The following CTNNBIP1 variants were observed in gnomAD, a reference collection of about 807,000 sequenced individuals.
CTNNBIP1 encodes the protein catenin beta interacting protein 1, also known as beta-catenin-interacting protein 1.
CTNNBIP1 carries 7 observed loss-of-function variants against 11.8 expected under a neutral mutation model. That is an observed-to-expected ratio of 0.60 (90% CI 0.34 to 1.12). The LOEUF (loss-of-function observed/expected upper bound fraction) is 1.12, where lower values mean the gene tolerates loss of function less well. Ranked by LOEUF, CTNNBIP1 falls within the 50% of genes most tolerant of loss-of-function variation. The pLI is 0.03. For missense variants in CTNNBIP1, 101 were observed against 113.4 expected, an observed-to-expected ratio of 0.89 and a Z score of 0.50; for synonymous variants, 58 against 43.9, an observed-to-expected ratio of 1.32 and a Z score of -1.26.
intron 1 of CTNNBIP1, among the ~76,000 whole-genome samples, chr1:9,905,795 TAAACTTCATAA>T (rs1180601945): frequency 6.6e-6 from 1 of 152,194 alleles, no homozygotes; most frequent in Non-Finnish European, 1.5e-5. Flanking sequence ...CACTAGAAGA[TAAACTTCATAA>T]GAGCATGCCT....
chr1:9,873,105 T>C (rs1200345387), intron 3 of CTNNBIP1, among the ~76,000 whole-genome samples: 1 of 152,150 alleles, frequency 6.6e-6, no homozygotes, highest in Admixed American at 6.5e-5. Flanking sequence ...GCCTCAGCAA[T>C]GTGCCAGAGC....
chr1:9,903,239 T>G (rs1639556944), intron 1 of CTNNBIP1, among the ~76,000 whole-genome samples: 1 of 152,180 alleles, frequency 6.6e-6, no homozygotes, highest in Non-Finnish European at 1.5e-5. Flanking sequence ...GGTGTCTCTG[T>G]GATCCTGGCT....
intron 1 of CTNNBIP1, among the ~76,000 whole-genome samples, chr1:9,902,249 C>T (rs557634962): frequency 1.3e-5 from 2 of 152,236 alleles, no homozygotes; most frequent in Admixed American, 6.5e-5. Flanking sequence ...AGAGACGTGT[C>T]GGGCAGGAAG....
At chr1:9,874,904 C>G (rs1450307526) in intron 3 of CTNNBIP1, among the ~76,000 whole-genome samples, 1 of 152,226 alleles carries the variant, frequency 6.6e-6, no homozygotes, top group African/African-American at 2.4e-5. Context: ...CAAAGAACAT[C>G]TGAAATGCTC....
At position 9,883,737 on chromosome 1, in the gene CTNNBIP1, C is replaced by T. The variant is rs1410203048; in HGVS notation, c.-142G>A. On this transcript the variant is annotated splice_region_variant and 5_prime_UTR_variant, in exon 2 of 6. Coordinates refer to ENST00000377263, the MANE Select transcript of CTNNBIP1 (RefSeq NM_020248.3). This position sits in a 1 kb window ranked among gnomAD's most constrained non-coding sequence, Gnocchi z 5.6. Reference sequence around the variant, plus strand: ...TGTCACCGTTGTCAAGTCTGTCGGTCCCTGCAAGAGGGAGAAGAGGGGCAG... The same window carrying T: ...TGTCACCGTTGTCAAGTCTGTCGGTTCCTGCAAGAGGGAGAAGAGGGGCAG... 1 of 153,520 alleles carries T rather than the reference C, an allele frequency of 6.5e-6. No homozygotes were observed. Among genetic ancestry groups the T allele is most frequent in the Non-Finnish European group, 1.5e-5 (1 of 68,410 alleles). 9.5% of individuals were successfully genotyped at this position (153,520 alleles called of 1,614,324 possible). A position where few individuals can be genotyped will look rare whatever the true frequency, so the allele number is the denominator to read the frequency against.
intron 3 of CTNNBIP1, among the ~76,000 whole-genome samples, chr1:9,876,232 C>T (rs1384593040): frequency 6.6e-6 from 1 of 152,116 alleles, no homozygotes; most frequent in African/African-American, 2.4e-5. Flanking sequence ...ATAAACATTC[C>T]AGCGTCTAAA....
chr1:9,871,076 G>A lies in CTNNBIP1; in HGVS notation c.187+111C>T. 1.3e-6 allele frequency: 1 copy of A among 786,384 alleles called. No homozygotes were observed. The highest frequency in any genetic ancestry group is 2.0e-6 in the Non-Finnish European group (1 of 491,764). 48.7% of individuals were successfully genotyped at this position (786,384 alleles called of 1,614,324 possible). A position where few individuals can be genotyped will look rare whatever the true frequency, so the allele number is the denominator to read the frequency against. On this transcript the variant is annotated intron_variant, in intron 5 of 5. Transcript: ENST00000377263. The surrounding 1 kb of genome is among the most constrained non-coding windows in gnomAD (Gnocchi z 5.2). ...TGTAGCCCCTCCTAGTCAGCCCTGG[G>A]TCTCATGGATCACCCATCAAAGAGG... is the stretch of plus-strand genomic sequence containing the variant.
At chr1:9,863,923 G>A (rs1268484031) in intron 5 of CTNNBIP1, among the ~76,000 whole-genome samples, 1 of 152,168 alleles carries the variant, frequency 6.6e-6, no homozygotes, top group Non-Finnish European at 1.5e-5. Flanking sequence ...GCCATGCTAC[G>A]AAAGGAGAGG....
At chr1:9,855,636 G>A (rs559619086) in intron 5 of CTNNBIP1, among the ~76,000 whole-genome samples, 7 of 151,474 alleles carry the variant, frequency 4.6e-5, no homozygotes, top group Admixed American at 3.9e-4. Context: ...ACCTGAAATG[G>A]ATAAATGACC....
chr1:9,892,467 C>A (rs1313941419), intron 1 of CTNNBIP1, among the ~76,000 whole-genome samples: 1 of 150,808 alleles, frequency 6.6e-6, no homozygotes, highest in Middle Eastern at 3.2e-3. Context: ...GTGGCTTGCA[C>A]CTGTAGGCCC....
chr1:9,893,944 A>G (rs1397721652), intron 1 of CTNNBIP1, among the ~76,000 whole-genome samples: 2 of 152,242 alleles, frequency 1.3e-5, no homozygotes, highest in Non-Finnish European at 2.9e-5. Flanking sequence ...ACTATTGTAC[A>G]TGCTGTAAAA....
In CTNNBIP1 at chr1:9,910,179, C is replaced by T. The variant is rs1331259223; in HGVS notation, c.-228G>A. 6.8e-6 allele frequency: 1 copy of T among 147,168 alleles called. No homozygotes were observed. The highest frequency in any genetic ancestry group is 2.4e-5 in the African/African-American group (1 of 40,978). 9.1% of individuals were successfully genotyped at this position (147,168 alleles called of 1,614,324 possible). A position where few individuals can be genotyped will look rare whatever the true frequency, so the allele number is the denominator to read the frequency against. Reference sequence around the variant, plus strand: ...CGGCCTGTTCCGGGGCGTGCTCAGCCCGAGCAGCCGCTGCGGCGGCGGCAG... The same window carrying T: ...CGGCCTGTTCCGGGGCGTGCTCAGCTCGAGCAGCCGCTGCGGCGGCGGCAG... On this transcript the variant is annotated 5_prime_UTR_variant, in exon 1 of 6. Transcript: ENST00000377263.
At chr1:9,906,126 G>A (rs550622921) in intron 1 of CTNNBIP1, among the ~76,000 whole-genome samples, 1 of 152,304 alleles carries the variant, frequency 6.6e-6, no homozygotes, top group Admixed American at 6.5e-5. Flanking sequence ...ACTCCATGAG[G>A]AAAGTATTAC....
intron 1 of CTNNBIP1, among the ~76,000 whole-genome samples, chr1:9,905,479 G>C (rs987844815): frequency 6.6e-6 from 1 of 150,926 alleles, no homozygotes; most frequent in Non-Finnish European, 1.5e-5. Context: ...CTGGAGGGCA[G>C]TGGCACGATC....
At chr1:9,858,351 A>G (rs1165989112) in intron 5 of CTNNBIP1, among the ~76,000 whole-genome samples, 4 of 151,958 alleles carry the variant, frequency 2.6e-5, no homozygotes, top group African/African-American at 9.7e-5. Context: ...CTCAAGGCCA[A>G]CGCCCACCTC....
intron 2 of CTNNBIP1, among the ~76,000 whole-genome samples, chr1:9,879,349 T>C (rs1005165781): frequency 9.8e-5 from 15 of 152,296 alleles, no homozygotes; most frequent in African/African-American, 3.6e-4. Flanking sequence ...AATGACAGCT[T>C]GGAAACCCAC....
At chr1:9,909,047 T>C (rs949897233) in intron 1 of CTNNBIP1, among the ~76,000 whole-genome samples, 2 of 152,240 alleles carry the variant, frequency 1.3e-5, no homozygotes, top group African/African-American at 4.8e-5. Flanking sequence ...GACATTTTAA[T>C]GGCACAAGAG....
intron 2 of CTNNBIP1, among the ~76,000 whole-genome samples, chr1:9,882,883 G>A (rs1438941630): frequency 1.3e-5 from 2 of 152,334 alleles, no homozygotes; most frequent in South Asian, 4.1e-4. Context: ...TCAGCACTAC[G>A]GTGAACATTT....
In CTNNBIP1 at chr1:9,900,182, T is replaced by C. The variant is rs184722288; in HGVS notation, c.-144+9913A>G. ...ACTTTGGAAGGCCGAGGCGAGCAGA[T>C]CACAAGATTGAGACCATCCTGGCTA... is the stretch of plus-strand genomic sequence containing the variant. On this transcript the variant is annotated intron_variant, in intron 1 of 5. Coordinates refer to ENST00000377263, the MANE Select transcript of CTNNBIP1 (RefSeq NM_020248.3). Among the ~76,000 whole-genome samples, 490 of 152,088 alleles carry C rather than the reference T, an allele frequency of 3.2e-3. 3 individuals carry two copies. The highest frequency in any genetic ancestry group is 0.011 in the Admixed American group (164 of 15,276).
Sources: allele counts gnomAD v4.1 joint callset (sites outside exome capture counted in the v4.1 genomes callset), GRCh38; gene constraint gnomAD v4.1.1; non-coding constraint Gnocchi (gnomAD v3.1); transcripts MANE v1.5; gene names NCBI Gene and HGNC (gene_info 2026-07-23, HGNC 2026-07-21).